The following RBFOX1 variants were observed in gnomAD, a reference collection of about 807,000 sequenced individuals.
The protein encoded by RBFOX1 is RNA binding fox-1 homolog 1, also known as RNA binding protein fox-1 homolog 1.
RBFOX1 carries 8 observed loss-of-function variants against 57.7 expected under a neutral mutation model. That is an observed-to-expected ratio of 0.14 (90% confidence interval 0.08 to 0.25). The LOEUF is 0.25. Among genes scored for constraint, RBFOX1 ranks in the 10% least tolerant of loss-of-function variants. The pLI is 1.00. For synonymous variants in RBFOX1, 326 were observed against 222.4 expected, an observed-to-expected ratio of 1.47 and a Z score of -4.15; for missense variants, 611 against 548.5, an observed-to-expected ratio of 1.11 and a Z score of -1.14.
chr16:7,435,493 T>A (rs2098714386), intron 4 of RBFOX1, among the ~76,000 whole-genome samples: 1 of 152,188 alleles, frequency 6.6e-6, no homozygotes, highest in Non-Finnish European at 1.5e-5. Flanking sequence ...TGGAAGGAAA[T>A]CACTATGAGC....
At chr16:6,883,963 G>C (rs551273764) in intron 3 of RBFOX1, among the ~76,000 whole-genome samples, 1 of 152,128 alleles carries the variant, frequency 6.6e-6, no homozygotes, top group Non-Finnish European at 1.5e-5. Context: ...GGTCCAAAGC[G>C]CAGAGGAGAT....
At chr16:5,798,853 C>T (rs2054967040) in intron 3 of RBFOX1, among the ~76,000 whole-genome samples, 1 of 152,128 alleles carries the variant, frequency 6.6e-6, no homozygotes, top group Non-Finnish European at 1.5e-5. Flanking sequence ...ACCCCTCCAG[C>T]GTCAGCTTGG....
At chr16:6,788,316 C>G (rs1276318899) in intron 3 of RBFOX1, among the ~76,000 whole-genome samples, 1 of 152,068 alleles carries the variant, frequency 6.6e-6, no homozygotes, top group South Asian at 2.1e-4. Flanking sequence ...TCCCCAGCAT[C>G]TGCAGAGTAT....
intron 3 of RBFOX1, among the ~76,000 whole-genome samples, chr16:6,680,093 A>G (rs1245155751): frequency 6.6e-6 from 1 of 151,642 alleles, no homozygotes; most frequent in Non-Finnish European, 1.5e-5. Context: ...GCAACTTGGA[A>G]CTTCAGTTTT....
intron 4 of RBFOX1, among the ~76,000 whole-genome samples, chr16:7,243,874 A>G (rs1333701982): frequency 6.6e-6 from 1 of 152,150 alleles, no homozygotes; most frequent in Non-Finnish European, 1.5e-5. Flanking sequence ...CTTAATGATT[A>G]TGTTATAATC....
chr16:5,611,557 C>G lies in RBFOX1; in HGVS notation c.318+12596C>G, dbSNP rs1372979905. ...CTTTGCACTTCTGTGTACTCAACTT[C>G]TTTCAACTGATAAAAATGATCAATT... On this transcript the variant is annotated intron_variant, in intron 3 of 19. Coordinates refer to the RBFOX1 transcript ENST00000641259. Among the ~76,000 whole-genome samples, 4 of 152,258 alleles carry G rather than the reference C, an allele frequency of 2.6e-5. 1 individual carries two copies. The highest frequency in any genetic ancestry group is 9.6e-5 in the African/African-American group (4 of 41,546).
intron 4 of RBFOX1, among the ~76,000 whole-genome samples, chr16:7,139,525 C>G (rs547445793): frequency 6.6e-6 from 1 of 152,052 alleles, no homozygotes; most frequent in Non-Finnish European, 1.5e-5. Context: ...TTTTAAAATG[C>G]TTAACATGGT....
At chr16:6,945,474 T>G (rs1434651113) in intron 3 of RBFOX1, among the ~76,000 whole-genome samples, 1 of 151,794 alleles carries the variant, frequency 6.6e-6, no homozygotes, top group African/African-American at 2.4e-5. Context: ...ATTTTGATTT[T>G]TTTTTTTGTA....
chr16:5,587,193 A>G (rs1756223691), intron 2 of RBFOX1, among the ~76,000 whole-genome samples: 1 of 152,244 alleles, frequency 6.6e-6, no homozygotes, highest in African/African-American at 2.4e-5. Flanking sequence ...TGCAAATTGC[A>G]TATCTGTAAG....
At chr16:5,823,931 C>T (rs1002069039) in intron 3 of RBFOX1, among the ~76,000 whole-genome samples, 31 of 152,084 alleles carry the variant, frequency 2.0e-4, no homozygotes, top group Admixed American at 2.0e-3. Flanking sequence ...CCCACATCTC[C>T]CTGGTCCATG....
At chr16:6,579,380 C>G (rs964405937) in intron 2 of RBFOX1, among the ~76,000 whole-genome samples, 1 of 151,968 alleles carries the variant, frequency 6.6e-6, no homozygotes, top group Admixed American at 6.6e-5. Context: ...TATGGTTTGG[C>G]TTTGTGTCTC....
At chr16:7,165,974 A>ATATG (rs1555526107) in intron 4 of RBFOX1, among the ~76,000 whole-genome samples, 41 of 150,362 alleles carry the variant, frequency 2.7e-4, no homozygotes, top group African/African-American at 8.3e-4. Context: ...ACATACATAC[A>ATATG]TACACCCCAG....
At chr16:7,187,999 C>G (rs1465108460) in intron 4 of RBFOX1, among the ~76,000 whole-genome samples, 1 of 152,162 alleles carries the variant, frequency 6.6e-6, no homozygotes, top group Non-Finnish European at 1.5e-5. Flanking sequence ...TGACTGTGTG[C>G]TAGCCATAGT....
At chr16:5,703,520 T>G (rs763186048) in intron 3 of RBFOX1, among the ~76,000 whole-genome samples, 1 of 152,210 alleles carries the variant, frequency 6.6e-6, no homozygotes, top group Non-Finnish European at 1.5e-5. Flanking sequence ...TTCCAAGGAT[T>G]TTGGTCTCAA....
At chr16:7,604,947 T>A (rs2095225953) in intron 9 of RBFOX1, among the ~76,000 whole-genome samples, 1 of 152,142 alleles carries the variant, frequency 6.6e-6, no homozygotes, top group African/African-American at 2.4e-5. Context: ...GAGTATGAGA[T>A]GGGTAACAGT....
At chr16:5,693,500 C>G (rs1014626163) in intron 3 of RBFOX1, among the ~76,000 whole-genome samples, 1 of 151,394 alleles carries the variant, frequency 6.6e-6, no homozygotes, top group Admixed American at 6.6e-5. Flanking sequence ...ATACATAATA[C>G]TTGTGGAACA....
At chr16:6,701,224 C>T (rs1384350750) in intron 3 of RBFOX1, among the ~76,000 whole-genome samples, 3 of 152,038 alleles carry the variant, frequency 2.0e-5, no homozygotes, top group Non-Finnish European at 2.9e-5. Context: ...TGCAAGTTGC[C>T]CCAGGAAGGG....
At chr16:7,084,952 A>G (rs887915954) in intron 4 of RBFOX1, among the ~76,000 whole-genome samples, 2 of 151,990 alleles carry the variant, frequency 1.3e-5, no homozygotes, top group East Asian at 1.9e-4. Flanking sequence ...CTATTCATCT[A>G]TCTATGTATC....
At chr16:7,006,143 AATTT>A (rs1011734857) in intron 3 of RBFOX1, among the ~76,000 whole-genome samples, 3 of 151,820 alleles carry the variant, frequency 2.0e-5, no homozygotes, top group Non-Finnish European at 2.9e-5. Flanking sequence ...AATGTCATTA[AATTT>A]ATTTATTTAT....
Sources: allele counts gnomAD v4.1 joint callset (sites outside exome capture counted in the v4.1 genomes callset), GRCh38; gene constraint gnomAD v4.1.1; transcripts MANE v1.5; gene names NCBI Gene and HGNC (gene_info 2026-07-23, HGNC 2026-07-21).